GABRG1: variants seen among roughly 807,000 people sequenced by gnomAD.
The protein encoded by GABRG1 is gamma-aminobutyric acid type A receptor subunit gamma1.
Under a neutral mutation model 49.8 loss-of-function variants are expected in GABRG1, and 49 were observed. The ratio of observed to expected loss-of-function variants is 0.98; its 90% confidence interval spans 0.78 to 1.25. The LOEUF is 1.25. Among genes scored for constraint, GABRG1 ranks in the 50% most tolerant of loss-of-function variants. The pLI, the probability that GABRG1 is intolerant of heterozygous loss-of-function variation, is 0.00. For missense variants in GABRG1, 552 were observed against 552.3 expected (o/e 1.00, Z 0.01); for synonymous variants, 232 against 185.1 (o/e 1.25, Z -2.06).
chr4:46,076,779 C>T (rs1277645701), intron 3 of GABRG1, among the ~76,000 whole-genome samples: 1 of 151,596 alleles, frequency 6.6e-6, no homozygotes, highest in East Asian at 2.0e-4. Flanking sequence ...AGACTGTTTG[C>T]CTTGAGGTAT....
chr4:46,097,888 G>C (rs1184840975), intron 1 of GABRG1, among the ~76,000 whole-genome samples: 1 of 151,726 alleles, frequency 6.6e-6, no homozygotes, highest in Non-Finnish European at 1.5e-5. Flanking sequence ...TTTCTTTTAA[G>C]TCGGAAGAAC....
intron 1 of GABRG1, among the ~76,000 whole-genome samples, chr4:46,106,884 C>T (rs1050700433): frequency 6.6e-6 from 1 of 150,988 alleles, no homozygotes; most frequent in African/African-American, 2.4e-5. Flanking sequence ...ATCTTTCCAG[C>T]TCCAAACGCA....
intron 2 of GABRG1, among the ~76,000 whole-genome samples, chr4:46,084,361 C>T (rs1275940992): frequency 6.6e-6 from 1 of 151,628 alleles, no homozygotes; most frequent in Non-Finnish European, 1.5e-5. Flanking sequence ...TTTCAAACTT[C>T]ATCTGTTTTT....
chr4:46,059,246 A>T (rs1191416294), intron 5 of GABRG1, among the ~76,000 whole-genome samples: 1 of 152,154 alleles, frequency 6.6e-6, no homozygotes, highest in Non-Finnish European at 1.5e-5. Flanking sequence ...TAACATTATT[A>T]TGCATGCCTC....
chr4:46,075,128 A>G (rs1281898525), intron 3 of GABRG1, among the ~76,000 whole-genome samples: 1 of 151,830 alleles, frequency 6.6e-6, no homozygotes, highest in Non-Finnish European at 1.5e-5. Context: ...CCTAAGATGA[A>G]CACGGTTTCT....
At chr4:46,104,698 C>T (rs1410228315) in intron 1 of GABRG1, among the ~76,000 whole-genome samples, 5 of 151,380 alleles carry the variant, frequency 3.3e-5, no homozygotes, top group African/African-American at 1.2e-4. Flanking sequence ...ACTCTTTAAA[C>T]AATTATAACA....
chr4:46,112,120 C>T (rs2109441589), intron 1 of GABRG1, among the ~76,000 whole-genome samples: 1 of 151,246 alleles, frequency 6.6e-6, no homozygotes, highest in African/African-American at 2.4e-5. Flanking sequence ...CTAGAATCCA[C>T]AGGGAACTTA....
chr4:46,041,310 C>T (rs1717774532), intron 8 of GABRG1, 56 bp from the exon 9 acceptor site: 2 of 1,556,954 alleles, frequency 1.3e-6, no homozygotes, highest in African/African-American at 1.4e-5. Context: ...AAGGAAAGAT[C>T]AATTTGCTCC....
chr4:46,091,745 G>T (rs1039337338), intron 2 of GABRG1, among the ~76,000 whole-genome samples: 1 of 151,990 alleles, frequency 6.6e-6, no homozygotes, highest in Non-Finnish European at 1.5e-5. Flanking sequence ...CAGAGAAATT[G>T]AGACAGAAGA....
At chr4:46,089,768 G>A (rs965153777) in intron 2 of GABRG1, among the ~76,000 whole-genome samples, 9 of 152,098 alleles carry the variant, frequency 5.9e-5, no homozygotes, top group South Asian at 2.1e-4. Flanking sequence ...TTTGAGATCA[G>A]CCTGGGCAAC....
chr4:46,076,245 T>A (rs1044288305), intron 3 of GABRG1, among the ~76,000 whole-genome samples: 2 of 150,968 alleles, frequency 1.3e-5, no homozygotes, highest in African/African-American at 4.9e-5. Context: ...CATATGTACA[T>A]TTAAGGAAAT....
intron 3 of GABRG1, among the ~76,000 whole-genome samples, chr4:46,070,143 T>C (rs1719063548): frequency 6.6e-6 from 1 of 151,932 alleles, no homozygotes; most frequent in Non-Finnish European, 1.5e-5. Context: ...GCAACTATTA[T>C]CTAAAATTAC....
At chr4:46,082,699 C>T (rs937873137) in intron 3 of GABRG1, among the ~76,000 whole-genome samples, 3 of 151,724 alleles carry the variant, frequency 2.0e-5, no homozygotes, top group Non-Finnish European at 2.9e-5. Context: ...GCATTTGTAA[C>T]TCATTATCAT....
At position 46,058,637 on chromosome 4, in the gene GABRG1, T is replaced by C; in HGVS notation, c.626-15A>G. ...AGGGTATCCATCTATAGAGAAAAAA[T>C]ACATAGATTAGCAAGATCCAAATTT... On this transcript the variant is annotated splice_polypyrimidine_tract_variant and intron_variant, in intron 5 of 8. Coordinates refer to ENST00000295452, the MANE Select transcript of GABRG1 (RefSeq NM_173536.4). The C allele has an allele frequency of 6.2e-7, 1 of 1,602,516 alleles. No individual in the cohort carries two copies. The highest frequency in any genetic ancestry group is 8.5e-7 in the Non-Finnish European group (1 of 1,172,766).
At chr4:46,065,318 A>G in intron 4 of GABRG1, 46 bp downstream of exon 4, 1 of 1,291,780 alleles carries the variant, frequency 7.7e-7, no homozygotes, top group Non-Finnish European at 1.1e-6. Context: ...AAATATTAGT[A>G]TGGAAAATAA....
intron 7 of GABRG1, among the ~76,000 whole-genome samples, chr4:46,057,225 C>T (rs1718486650): frequency 6.6e-6 from 1 of 151,962 alleles, no homozygotes; most frequent in Non-Finnish European, 1.5e-5. Context: ...TTTAGATGGC[C>T]AAGAGAACTT....
intron 1 of GABRG1, among the ~76,000 whole-genome samples, chr4:46,098,835 C>A (rs7687391): frequency 0.6 from 90,623 of 151,318 alleles, 28,538 homozygotes; most frequent in African/African-American, 0.79. Context: ...TTTGTAGGCT[C>A]TCTGTACAAT....
chr4:46,084,884 C>T (rs754848940), intron 2 of GABRG1, among the ~76,000 whole-genome samples: 2 of 151,454 alleles, frequency 1.3e-5, no homozygotes, highest in Non-Finnish European at 3.0e-5. Flanking sequence ...TTAACTGTTT[C>T]TCCTTTGTTT....
At position 46,076,188 on chromosome 4, in the gene GABRG1, C is replaced by T. The variant is rs1437665025; in HGVS notation, c.321+7798G>A. On this transcript the variant is annotated intron_variant, in intron 3 of 8. Coordinates refer to ENST00000295452, the MANE Select transcript of GABRG1 (RefSeq NM_173536.4). Reference sequence around the variant, plus strand: ...GCTACCATTTTTCTAAACAGTAGCTCTTTATACTAAAATCTATATGAAAAT... The same window carrying T: ...GCTACCATTTTTCTAAACAGTAGCTTTTTATACTAAAATCTATATGAAAAT... 6.6e-5 allele frequency among the ~76,000 whole-genome samples: 10 copies of T among 151,438 alleles called. 1 individual carries two copies. The Admixed American group carries it at 6.6e-4, about 10-fold the overall frequency.
Sources: gnomAD v4.1 joint callset for allele counts (sites outside exome capture counted in the v4.1 genomes callset) on GRCh38, gnomAD v4.1.1 for gene constraint, MANE v1.5 for transcripts, NCBI Gene and HGNC (gene_info 2026-07-23, HGNC 2026-07-21) for gene names.